ATF7IP2: variants seen among roughly 807,000 people sequenced by gnomAD.
ATF7IP2 encodes the protein activating transcription factor 7 interacting protein 2.
ATF7IP2 carries 42 observed loss-of-function variants against 64.2 expected under a neutral mutation model. The observed-to-expected ratio is 0.65, with a 90% CI of 0.51 to 0.85. The LOEUF is 0.85. Among genes scored for constraint, ATF7IP2 ranks in the 40% least tolerant of loss-of-function variants. ATF7IP2 has a pLI of 0.00. For missense variants in ATF7IP2, 933 were observed against 784.2 expected (o/e 1.19, Z -2.27); for synonymous variants, 308 against 272.8 (o/e 1.13, Z -1.27).
chr16:10,479,479 C>T (rs920714869), intron 12 of ATF7IP2, among the ~76,000 whole-genome samples: 7 of 151,948 alleles, frequency 4.6e-5, no homozygotes, highest in African/African-American at 1.7e-4. Context: ...GGAAGGGGAA[C>T]ATCACACACT....
intron 1 of ATF7IP2, among the ~76,000 whole-genome samples, chr16:10,403,659 A>G (rs2141780602): frequency 6.6e-6 from 1 of 152,352 alleles, no homozygotes; most frequent in Middle Eastern, 3.4e-3. Flanking sequence ...AATGTTTTTA[A>G]AGAAACTTAA....
chr16:10,394,501 A>G (rs1183619170), intron 1 of ATF7IP2, among the ~76,000 whole-genome samples: 2 of 152,246 alleles, frequency 1.3e-5, no homozygotes, highest in Admixed American at 1.3e-4. Context: ...ACAAGAGACG[A>G]CTTGAGCAAC....
intron 1 of ATF7IP2, among the ~76,000 whole-genome samples, chr16:10,398,001 A>T (rs376189070): frequency 1.3e-5 from 2 of 152,020 alleles, no homozygotes; most frequent in South Asian, 4.2e-4. Context: ...TGTTAGGATG[A>T]CTTATCAAAA....
At chr16:10,445,996 T>G (rs1165358360) in intron 8 of ATF7IP2, 1 of 152,222 alleles carries the variant, frequency 6.6e-6, no homozygotes, top group Non-Finnish European at 1.5e-5. Context: ...TGCAAACAAT[T>G]CACATGTTTG....
intron 9 of ATF7IP2, 116 bp downstream of exon 9, chr16:10,457,645 T>C (rs1018741002): frequency 1.2e-6 from 1 of 821,568 alleles, no homozygotes; most frequent in Non-Finnish European, 1.8e-6. Flanking sequence ...ACTCTTAAAA[T>C]GTCCTATAGT....
intron 1 of ATF7IP2, among the ~76,000 whole-genome samples, chr16:10,403,931 A>G (rs1290474466): frequency 6.6e-6 from 1 of 152,198 alleles, no homozygotes. Flanking sequence ...TTTGAAACAT[A>G]CGAGACTACA....
intron 13 of ATF7IP2, 105 bp downstream of exon 13, chr16:10,481,069 C>A: frequency 2.5e-6 from 2 of 791,664 alleles, no homozygotes; most frequent in Non-Finnish European, 4.3e-6. Flanking sequence ...GCTTAGACAA[C>A]AATTTAGTGT....
Position 10,473,985 on chromosome 16 carries a change from T to A in ATF7IP2, c.1545T>A (p.Asn515Lys). The A allele has an allele frequency of 6.3e-7, 1 of 1,580,976 alleles. No individual in the cohort carries two copies. Among genetic ancestry groups the A allele is most frequent in the Non-Finnish European group, 8.6e-7 (1 of 1,158,422 alleles). The change falls in exon 12 of 14, where the codon AAT (asparagine) becomes AAA (lysine). Residue 515 changes from asparagine to lysine, a missense_variant. By Grantham distance (94) the Asn-to-Lys change is moderately conservative. Coordinates refer to ENST00000562102, the MANE Select transcript of ATF7IP2 (RefSeq NM_001393719.1). ...DLTKEGLSNC[N>K]TESPVSPLES... ...CAAAAGAAGGCCTATCCAACTGCAA[T>A]ACAGGTAAAAGGATTTTTTAGATCT...
intron 8 of ATF7IP2, among the ~76,000 whole-genome samples, chr16:10,451,778 G>A (rs1308284288): frequency 1.3e-5 from 2 of 151,758 alleles, no homozygotes; most frequent in Non-Finnish European, 2.9e-5. Context: ...GCTCCTTTAG[G>A]CTGGGTACAC....
At chr16:10,439,327 C>A (rs2048530273) in intron 7 of ATF7IP2, among the ~76,000 whole-genome samples, 2 of 147,314 alleles carry the variant, frequency 1.4e-5, no homozygotes, top group African/African-American at 2.5e-5. Context: ...CCTCAGGGTT[C>A]ACACCATTCA....
At chr16:10,401,476 T>C (rs1038198701) in intron 1 of ATF7IP2, among the ~76,000 whole-genome samples, 1 of 152,144 alleles carries the variant, frequency 6.6e-6, no homozygotes, top group Non-Finnish European at 1.5e-5. Context: ...CCTGTTATCT[T>C]TTTTATGTGC....
intron 8 of ATF7IP2, 25 bp downstream of exon 8, chr16:10,440,487 TA>T: frequency 8.0e-7 from 1 of 1,248,524 alleles, no homozygotes. Context: ...ACAGGAATTG[TA>T]ATCATCTATT....
At chr16:10,443,780 A>C (rs2048710223) in intron 8 of ATF7IP2, among the ~76,000 whole-genome samples, 1 of 152,150 alleles carries the variant, frequency 6.6e-6, no homozygotes, top group Non-Finnish European at 1.5e-5. Flanking sequence ...CTCCTAAACC[A>C]TAGAGACAGC....
At chr16:10,413,190 G>T (rs146567210) in intron 1 of ATF7IP2, among the ~76,000 whole-genome samples, 1 of 152,086 alleles carries the variant, frequency 6.6e-6, no homozygotes, top group South Asian at 2.1e-4. Flanking sequence ...GGCTGTGTCC[G>T]TACTCAAATC....
intron 6 of ATF7IP2, among the ~76,000 whole-genome samples, chr16:10,434,977 C>G (rs758422541): frequency 1.3e-5 from 2 of 152,126 alleles, no homozygotes; most frequent in Non-Finnish European, 2.9e-5. Context: ...ACCATGTTGG[C>G]CAGGCTGGTC....
Position 10,431,130 on chromosome 16 carries a change from A to T in ATF7IP2, c.510A>T (p.Pro170=). The change falls in exon 5 of 14, where the codon CCA becomes CCT. Residue 170 remains proline (P), a synonymous_variant. Transcript: ENST00000562102. Reference sequence around the variant, plus strand: ...GTAGTCTAAAGTCCAGTTGCTGTCCACCCAGTGTATTGAGTGGTGTTGTTC... The same window carrying T: ...GTAGTCTAAAGTCCAGTTGCTGTCCTCCCAGTGTATTGAGTGGTGTTGTTC... The part of the protein sequence containing the change: ...GACSLKSSCC[P]PSVLSGVVQM... The T allele has an allele frequency of 1.9e-6, 3 of 1,614,164 alleles. No individual in the cohort carries two copies. Among genetic ancestry groups the T allele is most frequent in the Non-Finnish European group, 2.5e-6 (3 of 1,180,024 alleles).
chr16:10,397,648 G>C (rs139086325), intron 1 of ATF7IP2, among the ~76,000 whole-genome samples: 1 of 152,008 alleles, frequency 6.6e-6, no homozygotes, highest in Non-Finnish European at 1.5e-5. Context: ...AGGCCAAAGC[G>C]GGTGAATCGT....
chr16:10,443,003 G>C (rs543077370), intron 8 of ATF7IP2, among the ~76,000 whole-genome samples: 1 of 152,096 alleles, frequency 6.6e-6, no homozygotes, highest in Non-Finnish European at 1.5e-5. Flanking sequence ...TCAAAAGATC[G>C]TGAGGGGCCT....
intron 8 of ATF7IP2, 68 bp downstream of exon 8, chr16:10,440,530 T>C: frequency 1.1e-6 from 1 of 898,360 alleles, no homozygotes; most frequent in Admixed American, 3.1e-5. Context: ...TTAGAAGAAA[T>C]GAATATATTT....
Sources: gnomAD v4.1 joint callset for allele counts (sites outside exome capture counted in the v4.1 genomes callset) on GRCh38, gnomAD v4.1.1 for gene constraint, MANE v1.5 for transcripts, NCBI Gene and HGNC (gene_info 2026-07-23, HGNC 2026-07-21) for gene names.